The following ILDR2 variants were observed in gnomAD, a reference collection of about 807,000 sequenced individuals.
The protein encoded by ILDR2 is immunoglobulin-like domain-containing receptor 2.
In ILDR2, 25 loss-of-function variants were observed where a neutral mutation model predicts 66.8. The ratio of observed to expected loss-of-function variants is 0.37; its 90% CI spans 0.27 to 0.52. The LOEUF (loss-of-function observed/expected upper bound fraction) is 0.52. Ranked by LOEUF, ILDR2 falls within the 20% of genes least tolerant of loss-of-function variation. The pLI is 0.88. For missense variants in ILDR2, 827 were observed against 876.8 expected (o/e 0.94, Z 0.72); for synonymous variants, 367 against 357.2 (o/e 1.03, Z -0.31).
chr1:166,964,455 T>C (rs1019697469), intron 1 of ILDR2, among the ~76,000 whole-genome samples: 28 of 152,196 alleles, frequency 1.8e-4, no homozygotes, highest in Admixed American at 1.6e-3. Flanking sequence ...CAGGATTTGG[T>C]TGACTTTGTA....
intron 7 of ILDR2, among the ~76,000 whole-genome samples, chr1:166,926,829 C>T (rs899629759): frequency 2.0e-5 from 3 of 151,888 alleles, no homozygotes; most frequent in Non-Finnish European, 4.4e-5. Context: ...ATACTGACTG[C>T]CCCATGGAGA....
chr1:166,916,486 T>C lies in ILDR2; in HGVS notation c.*2869A>G, dbSNP rs1031594692. 2 of 152,238 alleles carry C rather than the reference T, an allele frequency of 1.3e-5. No individual in the cohort carries two copies. Among genetic ancestry groups the C allele is most frequent in the Admixed American group, 1.3e-4 (2 of 15,284 alleles). 9.4% of individuals were successfully genotyped at this position (152,238 alleles called of 1,614,324 possible). A position where few individuals can be genotyped will look rare whatever the true frequency, so the allele number is the denominator to read the frequency against. ...TATGTCTTACACAAGATTTACTTTG[T>C]ACTCCAATAAGACCTAGGAAAGAAG... On this transcript the variant is annotated 3_prime_UTR_variant, in exon 10 of 10. Transcript: ENST00000271417.
chr1:166,969,692 G>A (rs1663166338), intron 1 of ILDR2, among the ~76,000 whole-genome samples: 2 of 152,156 alleles, frequency 1.3e-5, no homozygotes, highest in Admixed American at 1.3e-4. Flanking sequence ...TATGAACTCT[G>A]TGCCTCAATA....
intron 1 of ILDR2, among the ~76,000 whole-genome samples, chr1:166,959,635 C>T (rs1662493855): frequency 1.3e-5 from 2 of 152,180 alleles, no homozygotes; most frequent in Non-Finnish European, 2.9e-5. Context: ...CAACCTGATG[C>T]TTGGTGACCA....
chr1:166,921,327 C>G lies in ILDR2; in HGVS notation c.1264G>C (p.Val422Leu). ...AGCTCGTCCATGGAAACGGCCGGCA[C>G]CCCCGTGGCGAAGTTCTTCCGCGAC... is the stretch of plus-strand genomic sequence containing the variant. ...MLSRKNFATG[V>L]PAVSMDELAA... The change falls in exon 9 of 10, where the codon GTG becomes CTG. Residue 422 changes from valine (V) to leucine (L), a missense_variant. By Grantham distance (32) the Val-to-Leu change is conservative (BLOSUM62 1). Coordinates refer to ENST00000271417, the MANE Select transcript of ILDR2 (RefSeq NM_199351.3). This position sits in a 1 kb window ranked among gnomAD's most constrained non-coding sequence, Gnocchi z 5.3. The G allele has an allele frequency of 1.3e-6, 2 of 1,586,666 alleles. No individual in the cohort carries two copies. The highest frequency in any genetic ancestry group is 1.7e-6 in the Non-Finnish European group (2 of 1,163,740).
At chr1:166,922,554 C>A in intron 8 of ILDR2, 39 bp downstream of exon 8, 1 of 1,557,594 alleles carries the variant, frequency 6.4e-7, no homozygotes, top group Non-Finnish European at 8.8e-7. Flanking sequence ...CAGCTCCTGC[C>A]CCCTCACACC....
rs1040984691 is a variant in ILDR2 at position 166,936,329 on chromosome 1, T to G, written c.703+262A>C. On this transcript the variant is annotated intron_variant, in intron 5 of 9. Transcript: ENST00000271417. This position sits in a 1 kb window ranked among gnomAD's most constrained non-coding sequence, Gnocchi z 5.0. ...CCACGCCAAACCTGCCCTTCCATTT[T>G]ATCAATAGTGTCCATGAGAATTCCA... Among the ~76,000 whole-genome samples the G allele has an allele frequency of 6.6e-6, 1 of 152,214 alleles. No individual in the cohort carries two copies. Among genetic ancestry groups the G allele is most frequent in the African/African-American group, 2.4e-5 (1 of 41,444 alleles).
chr1:166,897,566 G>A (rs1659187290), intron 2 of ILDR2, among the ~76,000 whole-genome samples: 1 of 152,210 alleles, frequency 6.6e-6, no homozygotes, highest in Non-Finnish European at 1.5e-5. Context: ...CCCAACCTTA[G>A]GGAGGGGAGG....
downstream of ILDR2, among the ~76,000 whole-genome samples, chr1:166,905,272 CA>C (rs1484273003): frequency 5.9e-5 from 9 of 152,270 alleles, no homozygotes; most frequent in East Asian, 1.7e-3. Context: ...CCATGTAAAT[CA>C]ATTGAGCCAA....
intron 9 of ILDR2, among the ~76,000 whole-genome samples, chr1:166,920,276 C>G (rs1659830282): frequency 1.3e-5 from 2 of 152,168 alleles, no homozygotes; most frequent in Admixed American, 1.3e-4. Context: ...GTTACAAACC[C>G]TCGCCCCAAG....
At position 166,922,782 on chromosome 1, in the gene ILDR2, G is replaced by T; in HGVS notation, c.1022C>A (p.Ser341Tyr). 1 of 1,614,194 alleles carries T rather than the reference G, an allele frequency of 6.2e-7. No individual in the cohort carries two copies. Among genetic ancestry groups the T allele is most frequent in the Non-Finnish European group, 8.5e-7 (1 of 1,180,020 alleles). The change falls in exon 8 of 10, where the codon TCC (serine) becomes TAC (tyrosine). Residue 341 changes from serine (S) to tyrosine (Y), a missense_variant. Physicochemically the swap from Ser to Tyr is moderately radical, Grantham distance 144 (BLOSUM62 -2). Transcript: ENST00000271417. Reference protein sequence around the residue: ...RYNNTISELSSLHEEDSNFRQ... With the variant: ...RYNNTISELSYLHEEDSNFRQ... ...GAAATTGCTGTCCTCCTCATGTAGG[G>T]AGCTGAGTTCTGAGATGGTGTTGTT...
chr1:166,898,741 T>C (rs1380609724), intron 2 of ILDR2, among the ~76,000 whole-genome samples: 1 of 152,188 alleles, frequency 6.6e-6, no homozygotes, highest in Non-Finnish European at 1.5e-5. Context: ...GGGTCCCTAG[T>C]ATGTACTTAG....
At chr1:166,898,887 C>T (rs1186598938) in intron 2 of ILDR2, among the ~76,000 whole-genome samples, 1 of 150,812 alleles carries the variant, frequency 6.6e-6, no homozygotes, top group East Asian at 1.9e-4. Flanking sequence ...TAGGAAGATC[C>T]CATCTTAAAA....
Position 166,914,385 on chromosome 1 carries a change from C to CA in ILDR2, c.*4969dup, listed in dbSNP as rs1571088010. 1 of 152,198 alleles carries CA rather than the reference C, an allele frequency of 6.6e-6. No homozygotes were observed. The highest frequency in any genetic ancestry group is 1.9e-4 in the East Asian group (1 of 5,168). 9.4% of individuals were successfully genotyped at this position (152,198 alleles called of 1,614,324 possible). The stretch of plus-strand genomic sequence containing the variant: ...GTATTTAAGGAATTGGAAAGGACAC[C>CA]AGACAAGACAGTCAGAAGGCCTGGC... On this transcript the variant is annotated 3_prime_UTR_variant, in exon 10 of 10. Coordinates refer to ENST00000271417, the MANE Select transcript of ILDR2 (RefSeq NM_199351.3).
intron 2 of ILDR2, among the ~76,000 whole-genome samples, chr1:166,899,483 G>T (rs747271917): frequency 2.6e-5 from 4 of 152,060 alleles, no homozygotes; most frequent in Admixed American, 1.3e-4. Context: ...GAACATACAC[G>T]TGCTAACCAA....
In ILDR2 at chr1:166,916,565, C is replaced by T. The variant is rs1483733077; in HGVS notation, c.*2790G>A. 2 of 152,178 alleles carry T rather than the reference C, an allele frequency of 1.3e-5. No homozygotes were observed. Among genetic ancestry groups the T allele is most frequent in the Admixed American group, 1.3e-4 (2 of 15,288 alleles). The allele number at this position is 152,178 out of a possible 1,614,324, so 9.4% of individuals were successfully genotyped here. ...GACACACTATTCAAAGGAGAAGAAACAAAAGGACACATAGAGGAAAGTCAG... is the reference window on the plus strand; with the variant it reads ...GACACACTATTCAAAGGAGAAGAAATAAAAGGACACATAGAGGAAAGTCAG... On this transcript the variant is annotated 3_prime_UTR_variant, in exon 10 of 10. Transcript: ENST00000271417.
In ILDR2 at chr1:166,909,731, ACATAC is replaced by A. The variant is rs1659421542; in HGVS notation, c.*9619_*9623del. On this transcript the variant is annotated 3_prime_UTR_variant, in exon 10 of 10. Transcript: ENST00000271417. ...TTGACATATATATGTGTGTGTGTAT[ACATAC>A]ATATATATATATATATATATATAAA... 1.0e-5 allele frequency: 1 copy of A among 97,192 alleles called. No individual in the cohort carries two copies. The highest frequency in any genetic ancestry group is 1.9e-5 in the Non-Finnish European group (1 of 52,304). The allele number at this position is 97,192 out of a possible 1,614,324, so 6.0% of individuals were successfully genotyped here. A position where few individuals can be genotyped will look rare whatever the true frequency, so the allele number is the denominator to read the frequency against.
rs1244246619 is a variant in ILDR2 at position 166,910,401 on chromosome 1, ATTTG to A, written c.*8950_*8953del. 2.6e-5 allele frequency: 4 copies of A among 151,188 alleles called. No individual in the cohort carries two copies. The highest frequency in any genetic ancestry group is 4.1e-4 in the South Asian group (2 of 4,828). 9.4% of individuals were successfully genotyped at this position (151,188 alleles called of 1,614,324 possible). A position where few individuals can be genotyped will look rare whatever the true frequency, so the allele number is the denominator to read the frequency against. ...AAAGAAAAAATTCCTAATGCACTTAATTTGTTTTTCAAAAGCCAAATTCATCTAT... is the reference window on the plus strand; with the variant it reads ...AAAGAAAAAATTCCTAATGCACTTAATTTTTCAAAAGCCAAATTCATCTAT... On this transcript the variant is annotated 3_prime_UTR_variant, in exon 10 of 10. Coordinates refer to ENST00000271417, the MANE Select transcript of ILDR2 (RefSeq NM_199351.3).
chr1:166,921,416 C>CCTCCCTGGAGCTCCAGGTAGGG lies in ILDR2; in HGVS notation c.1212-59_1212-38dup, dbSNP rs1287965756. On this transcript the variant is annotated intron_variant, in intron 8 of 9. Transcript: ENST00000271417. This position sits in a 1 kb window ranked among gnomAD's most constrained non-coding sequence, Gnocchi z 5.3. Reference sequence around the variant, plus strand: ...GAAGGAGGGGGTCAGACGGCCGGTCCCTCCCTGGAGCTCCAGGTAGGGCTC... The same window carrying CCTCCCTGGAGCTCCAGGTAGGG: ...GAAGGAGGGGGTCAGACGGCCGGTCCCTCCCTGGAGCTCCAGGTAGGGCTCCCTGGAGCTCCAGGTAGGGCTC... The CCTCCCTGGAGCTCCAGGTAGGG allele has an allele frequency of 2.0e-6, 3 of 1,501,426 alleles. No individual in the cohort carries two copies. The highest frequency in any genetic ancestry group is 2.7e-6 in the Non-Finnish European group (3 of 1,120,678). 93.0% of individuals were successfully genotyped at this position (1,501,426 alleles called of 1,614,324 possible).
Sources: gnomAD v4.1 joint callset for allele counts (sites outside exome capture counted in the v4.1 genomes callset) on GRCh38, gnomAD v4.1.1 for gene constraint, Gnocchi (gnomAD v3.1) non-coding constraint, MANE v1.5 for transcripts, NCBI Gene and HGNC (gene_info 2026-07-23, HGNC 2026-07-21) for gene names.